MYH8: variants seen among roughly 807,000 people sequenced by gnomAD.
MYH8 encodes myosin-8.
MYH8 carries 168 observed loss-of-function variants against 233.2 expected under a neutral mutation model. The observed-to-expected ratio is 0.72, with a 90% CI of 0.64 to 0.82. The LOEUF (loss-of-function observed/expected upper bound fraction) is 0.82. Among genes scored for constraint, MYH8 ranks in the 40% least tolerant of loss-of-function variants. The pLI is 0.00. For synonymous variants in MYH8, 785 were observed against 850.6 expected (o/e 0.92, Z 1.34); for missense variants, 1,995 against 2,327.8 (o/e 0.86, Z 2.94).
At chr17:10,413,504 T>C (rs1567688879) in intron 12 of MYH8, among the ~76,000 whole-genome samples, 2 of 152,216 alleles carry the variant, frequency 1.3e-5, no homozygotes, top group Non-Finnish European at 2.9e-5. Flanking sequence ...ACTCTAGGGG[T>C]ATCTTTCTCC....
At chr17:10,398,292 A>G in intron 30 of MYH8, 152 bp downstream of exon 30, 8 of 1,161,436 alleles carry the variant, frequency 6.9e-6, no homozygotes, top group Non-Finnish European at 9.9e-6. Flanking sequence ...ATGAAGGTAA[A>G]TAAGCTGATA....
chr17:10,395,088 G>A, intron 34 of MYH8, 45 bp downstream of exon 34: 8 of 1,605,462 alleles, frequency 5.0e-6, no homozygotes, highest in Non-Finnish European at 6.8e-6. Context: ...TGGAAGACAG[G>A]TACTTTCCCT....
chr17:10,413,981 T>C lies in MYH8; in HGVS notation c.1068A>G (p.Thr356=). The C allele has an allele frequency of 6.2e-7, 1 of 1,614,152 alleles. No homozygotes were observed. Among genetic ancestry groups the C allele is most frequent in the Non-Finnish European group, 8.5e-7 (1 of 1,180,014 alleles). The change falls in exon 12 of 40, where the codon ACA becomes ACG. Residue 356 remains threonine (T), a synonymous_variant. Coordinates refer to ENST00000403437, the MANE Select transcript of MYH8 (RefSeq NM_002472.3). ...PEEKVSIYKL[T]GAVMHYGNMK... ...TGTTCCCATAATGCATCACAGCCCC[T>C]GTGAGTTTATAGATGGACACTTTCT...
rs1378831161 is a variant in MYH8, at chr17:10,390,599, T to C, written c.5669A>G (p.Glu1890Gly). The C allele has an allele frequency of 2.5e-6, 4 of 1,614,028 alleles. No individual in the cohort carries two copies. The part of the protein sequence containing the change: ...SYKRQAEEAE[E>G]QSNANLSKFR... ...TTTAGATAGATTAGCATTGGATTGT[T>C]CCTCCTAAGAATAGAGATAAAATTG... The change falls in exon 40 of 40, where the codon GAA (glutamate) becomes GGA (glycine). Residue 1890 changes from glutamate (E) to glycine (G), a missense_variant. By Grantham distance (98) the Glu-to-Gly change is moderately conservative. Coordinates refer to ENST00000403437, the MANE Select transcript of MYH8 (RefSeq NM_002472.3).
chr17:10,412,408 T>A lies in MYH8; in HGVS notation c.1378A>T (p.Ile460Phe), dbSNP rs1018737240. The A allele has an allele frequency of 6.2e-7, 1 of 1,614,250 alleles. No individual in the cohort carries two copies. The highest frequency in any genetic ancestry group is 8.5e-7 in the Non-Finnish European group (1 of 1,180,048). The change falls in exon 14 of 40, where the codon ATC becomes TTC. Residue 460 changes from isoleucine to phenylalanine, a missense_variant. Physicochemically the swap from Ile to Phe is conservative, Grantham distance 21 (BLOSUM62 0). Coordinates refer to ENST00000403437, the MANE Select transcript of MYH8 (RefSeq NM_002472.3). ...AAGCCAGCAATGTCCAAGACCCCGA[T>A]GAAGTACTGCCTGGGCTGCTTGGTG... ...LDTKQPRQYFIGVLDIAGFEI... is the reference protein window; with the variant it reads ...LDTKQPRQYFFGVLDIAGFEI...
rs180922386 is a variant in MYH8 at position 10,400,635 on chromosome 17, C to G, written c.3490G>C (p.Val1164Leu). The part of the protein sequence containing the change: ...EEAGGATSAQ[V>L]ELNKKREAEF... ...GCCTCCCGCTTCTTGTTCAATTCCACCTGAGCAGAAGTTGCCCCACCGGCT... is the reference window on the plus strand; with the variant it reads ...GCCTCCCGCTTCTTGTTCAATTCCAGCTGAGCAGAAGTTGCCCCACCGGCT... Residue 1164 changes from valine to leucine, a missense_variant, in exon 27 of 40, where the codon GTG becomes CTG. Physicochemically the swap from Val to Leu is conservative, Grantham distance 32 (BLOSUM62 1). Around this residue, in one of 3 missense-constraint regions of MYH8, gnomAD observed 1,498 missense variants for 1,680.9 expected, o/e 0.89. Coordinates refer to ENST00000403437, the MANE Select transcript of MYH8 (RefSeq NM_002472.3). The surrounding 1 kb of genome is among the most constrained non-coding windows in gnomAD (Gnocchi z 4.0). The G allele has an allele frequency of 1.9e-5, 31 of 1,614,222 alleles. 1 individual carries two copies. Among genetic ancestry groups the G allele is most frequent in the Middle Eastern group, 3.3e-4 (2 of 6,060 alleles).
At chr17:10,410,729 CT>C in intron 15 of MYH8, 47 bp downstream of exon 15, 1 of 1,613,658 alleles carries the variant, frequency 6.2e-7, no homozygotes, top group South Asian at 1.1e-5. Context: ...CTTAAGATTT[CT>C]GGAAAGTGAT....
At chr17:10,416,875 A>G (rs2072294138) in intron 5 of MYH8, among the ~76,000 whole-genome samples, 1 of 152,216 alleles carries the variant, frequency 6.6e-6, no homozygotes, top group Non-Finnish European at 1.5e-5. Flanking sequence ...AAATACTTCA[A>G]TTAGAATTAC....
chr17:10,418,261 T>C (rs2072304950), intron 5 of MYH8, among the ~76,000 whole-genome samples: 1 of 152,254 alleles, frequency 6.6e-6, no homozygotes, highest in Admixed American at 6.5e-5. Flanking sequence ...GATAACTCTT[T>C]TCGTTGACTG....
intron 2 of MYH8, among the ~76,000 whole-genome samples, 168 bp from the exon 3 acceptor site, chr17:10,420,425 A>G (rs1448731296): frequency 6.6e-6 from 1 of 152,216 alleles, no homozygotes; most frequent in Non-Finnish European, 1.5e-5. Context: ...ATGGAGTGAG[A>G]CTGTAATTTG....
At chr17:10,413,061 GATAA>G (rs1368392402) in intron 12 of MYH8, among the ~76,000 whole-genome samples, 112 of 152,312 alleles carry the variant, frequency 7.4e-4, no homozygotes, top group African/African-American at 2.6e-3. Flanking sequence ...GGAAGGATAA[GATAA>G]ATATTCACTG....
At chr17:10,393,991 CTTTTTTTTTTTTT>C (rs35512526) in intron 35 of MYH8, among the ~76,000 whole-genome samples, 19 of 36,004 alleles carry the variant, frequency 5.3e-4, no homozygotes, top group African/African-American at 2.2e-3. Flanking sequence ...AAAGTAATAG[CTTTTTTTTTTTTT>C]TTTTTTTTTT....
chr17:10,396,477 G>A lies in MYH8; in HGVS notation c.4529-23C>T, dbSNP rs2072079419. 2 of 1,614,044 alleles carry A rather than the reference G, an allele frequency of 1.2e-6. No homozygotes were observed. The highest frequency in any genetic ancestry group is 1.7e-6 in the Non-Finnish European group (2 of 1,179,994). Reference sequence around the variant, plus strand: ...CCTCTGTGGTTGAACAGACAGGAGAGAAATGGTCAGAAAGATGGCAACATG... The same window carrying A: ...CCTCTGTGGTTGAACAGACAGGAGAAAAATGGTCAGAAAGATGGCAACATG... On this transcript the variant is annotated intron_variant, in intron 32 of 39. Transcript: ENST00000403437. The surrounding 1 kb of genome is among the most constrained non-coding windows in gnomAD (Gnocchi z 4.2).
rs745493890 is a variant in MYH8, at chr17:10,420,083, AGG to A, written c.143_144del (p.Ser48LeufsTer19). 36 of 1,614,250 alleles carry A rather than the reference AGG, an allele frequency of 2.2e-5. No individual in the cohort carries two copies. The highest frequency in any genetic ancestry group is 1.6e-4 in the Middle Eastern group (1 of 6,062). ...TTGCTTTGTATAGTGCTCTTCACATAGGATTCCTTGGGCTCCGCCACAAAGAC... is the reference window on the plus strand; with the variant it reads ...TTGCTTTGTATAGTGCTCTTCACATAATTCCTTGGGCTCCGCCACAAAGAC... ...TSVFVAEPKESYVKSTIQSKE... is the reference protein window; with the variant it reads ...TSVFVAEPKEXYVKSTIQSKE... On this transcript the variant is annotated frameshift_variant, in exon 3 of 40. Coordinates refer to ENST00000403437, the MANE Select transcript of MYH8 (RefSeq NM_002472.3). LOFTEE classifies it high-confidence loss of function.
chr17:10,399,526 A>C lies in MYH8; in HGVS notation c.3862+17T>G. 3.7e-6 allele frequency: 6 copies of C among 1,612,896 alleles called. No homozygotes were observed. The highest frequency in any genetic ancestry group is 5.1e-6 in the Non-Finnish European group (6 of 1,179,952). On this transcript the variant is annotated intron_variant, in intron 28 of 39. Transcript: ENST00000403437. ...TATTTAGTCCATGGTGTTGGGACCC[A>C]GAGAAGATGTCTTTACCCGCTTCTG...
intron 30 of MYH8, 134 bp downstream of exon 30, chr17:10,398,310 A>G (rs1184880837): frequency 1.5e-6 from 2 of 1,305,732 alleles, no homozygotes; most frequent in African/African-American, 1.5e-5. Context: ...ATATACATGC[A>G]TACATTATAT....
chr17:10,401,544 T>C lies in MYH8; in HGVS notation c.2930A>G (p.Lys977Arg). 6.2e-7 allele frequency: 1 copy of C among 1,614,194 alleles called. No homozygotes were observed. The highest frequency in any genetic ancestry group is 8.5e-7 in the Non-Finnish European group (1 of 1,180,036). ...VEKEKHATEN[K>R]VKNLTEEMAG... Reference sequence around the variant, plus strand: ...AGTATTGTAAAATATGACTGATACCTTGTTCTCCGTGGCATGTTTCTCCTT... The same window carrying C: ...AGTATTGTAAAATATGACTGATACCCTGTTCTCCGTGGCATGTTTCTCCTT... The change falls in exon 23 of 40, where the codon AAG (lysine) becomes AGG (arginine). Residue 977 changes from lysine to arginine, a missense_variant and splice_region_variant. By Grantham distance (26) the Lys-to-Arg change is conservative (BLOSUM62 2). Coordinates refer to ENST00000403437, the MANE Select transcript of MYH8 (RefSeq NM_002472.3).
chr17:10,401,542 C>G lies in MYH8; in HGVS notation c.2931+1G>C. ...ACAGTATTGTAAAATATGACTGATA[C>G]CTTGTTCTCCGTGGCATGTTTCTCC... On this transcript the variant is annotated splice_donor_variant, in intron 23 of 39. Coordinates refer to ENST00000403437, the MANE Select transcript of MYH8 (RefSeq NM_002472.3). LOFTEE classifies it high-confidence loss of function. The G allele has an allele frequency of 1.2e-6, 2 of 1,614,114 alleles. No individual in the cohort carries two copies. The highest frequency in any genetic ancestry group is 1.7e-6 in the Non-Finnish European group (2 of 1,180,028).
chr17:10,415,337 G>C lies in MYH8; in HGVS notation c.696C>G (p.Ala232=). The C allele has an allele frequency of 6.2e-7, 1 of 1,614,184 alleles. No individual in the cohort carries two copies. The highest frequency in any genetic ancestry group is 1.1e-5 in the South Asian group (1 of 91,082). ...TCCTCACAGTTTTGGCATTGCCAAA[G>C]GCCTCCAGTAGGGGATTGGCGCTGA... ...QIISANPLLE[A]FGNAKTVRND... The change falls in exon 8 of 40, where the codon GCC becomes GCG. Residue 232 remains alanine, a synonymous_variant. Transcript: ENST00000403437. This position sits in a 1 kb window ranked among gnomAD's most constrained non-coding sequence, Gnocchi z 4.1.
Sources: gnomAD v4.1 joint callset for allele counts (sites outside exome capture counted in the v4.1 genomes callset) on GRCh38, gnomAD v4.1.1 for gene constraint, gnomAD v4.1.1 regional missense constraint, Gnocchi (gnomAD v3.1) non-coding constraint, MANE v1.5 for transcripts, NCBI Gene and HGNC (gene_info 2026-07-23, HGNC 2026-07-21) for gene names.